ZNF248: variants seen among roughly 807,000 people sequenced by gnomAD.
The protein encoded by ZNF248 is zinc finger protein 248.
ZNF248 carries 20 observed loss-of-function variants against 44.3 expected under a neutral mutation model. That is an observed-to-expected ratio of 0.45 (90% CI 0.32 to 0.66). The LOEUF is 0.66. ZNF248 is among the 30% of genes least tolerant of loss of function. The probability of loss-of-function intolerance (pLI) is 0.04; values close to 1 mark genes in which losing one functional copy is unlikely to be tolerated. For missense variants in ZNF248, 654 were observed against 677.0 expected, an observed-to-expected ratio of 0.97 and a Z score of 0.38; for synonymous variants, 224 against 229.0, an observed-to-expected ratio of 0.98 and a Z score of 0.20.
chr10:37,768,777 A>C, the ZNF248 span, among the ~76,000 whole-genome samples: 1 of 152,246 alleles, frequency 6.6e-6, no homozygotes, highest in Non-Finnish European at 1.5e-5. Flanking sequence ...AAATCAGAGC[A>C]GAACTGAAGG....
At chr10:37,835,169 A>T (rs904592611) in intron 5 of ZNF248, among the ~76,000 whole-genome samples, 3 of 152,232 alleles carry the variant, frequency 2.0e-5, no homozygotes, top group African/African-American at 4.8e-5. Context: ...TAGAAATTAG[A>T]CAACTAACAA....
chr10:37,774,443 C>A (rs560065532), downstream of ZNF248, among the ~76,000 whole-genome samples: 2 of 152,116 alleles, frequency 1.3e-5, no homozygotes, highest in Non-Finnish European at 2.9e-5. Context: ...GTTATCTTAT[C>A]CTTTGATATG....
downstream of ZNF248, among the ~76,000 whole-genome samples, chr10:37,824,079 C>T (rs1033044936): frequency 2.0e-5 from 3 of 151,942 alleles, no homozygotes; most frequent in Non-Finnish European, 4.4e-5. Context: ...CTAGCAAGTC[C>T]CAAGATCTGC....
At chr10:37,782,534 C>T (rs530662330) in intron 6 of ZNF248, among the ~76,000 whole-genome samples, 3 of 152,102 alleles carry the variant, frequency 2.0e-5, no homozygotes, top group Non-Finnish European at 2.9e-5. Context: ...TCCTAACACA[C>T]GGTACCTGTG....
At chr10:37,787,003 GGCACTTTGGCTCATGCCTTTAATCCCA>G (rs1188984419) in intron 6 of ZNF248, among the ~76,000 whole-genome samples, 15 of 152,144 alleles carry the variant, frequency 9.9e-5, no homozygotes, top group African/African-American at 2.7e-4. Context: ...CTATAGGCCA[GGCACTTTGGCTCATGCCTTTAATCCCA>G]GCACTTTGGG....
At chr10:37,785,182 T>C (rs1467933579) in intron 6 of ZNF248, among the ~76,000 whole-genome samples, 3 of 152,128 alleles carry the variant, frequency 2.0e-5, no homozygotes, top group Admixed American at 2.0e-4. Context: ...CATAACACTG[T>C]GTGGGGTTCT....
downstream of ZNF248, among the ~76,000 whole-genome samples, chr10:37,773,854 A>G (rs1421574332): frequency 1.3e-5 from 2 of 152,162 alleles, no homozygotes; most frequent in Non-Finnish European, 2.9e-5. Context: ...TGAGGGGGTT[A>G]GGGCTTCAGA....
At position 37,838,092 on chromosome 10, in the gene ZNF248, T is replaced by A; in HGVS notation, c.35A>T (p.Asp12Val). 1.2e-6 allele frequency: 2 copies of A among 1,613,000 alleles called. No individual in the cohort carries two copies. The highest frequency in any genetic ancestry group is 2.7e-5 in the African/African-American group (2 of 74,982). ...NKSQEQVSFK[D>V]VCVDFTQEEW... ...TTCCTGAGTGAAGTCCACACATACATCCTTGAATGACACTTGTTCCTGTAA... is the reference window on the plus strand; with the variant it reads ...TTCCTGAGTGAAGTCCACACATACAACCTTGAATGACACTTGTTCCTGTAA... The change falls in exon 4 of 6, where the codon GAT (aspartate) becomes GTT (valine). Residue 12 changes from aspartate (D) to valine (V), a missense_variant. Asp to Val is a radical substitution (Grantham distance 152). Coordinates refer to ENST00000395867, the MANE Select transcript of ZNF248 (RefSeq NM_021045.3).
chr10:37,776,108 G>A (rs538151076), downstream of ZNF248, among the ~76,000 whole-genome samples: 54 of 152,284 alleles, frequency 3.5e-4, no homozygotes, highest in African/African-American at 9.6e-4. Context: ...TGGACATGGC[G>A]TGAGAGCAGC....
At chr10:37,800,095 T>A (rs1358235100) in intron 6 of ZNF248, among the ~76,000 whole-genome samples, 1 of 152,034 alleles carries the variant, frequency 6.6e-6, no homozygotes, top group Non-Finnish European at 1.5e-5. Flanking sequence ...ACACCAGACA[T>A]AGTACATTAA....
chr10:37,838,191 G>C (rs2057625358), intron 3 of ZNF248, 80 bp from the exon 4 acceptor site: 4 of 1,353,612 alleles, frequency 3.0e-6, no homozygotes, highest in Non-Finnish European at 4.0e-6. Context: ...AATCTCTTTA[G>C]AGTTTACTAA....
rs568731278 is a variant in ZNF248, at chr10:37,841,322, C to A, written c.16-3211G>T. ...GATGATCTACTGAAACTTTCTGAGG[C>A]AATGACTAAAAGTATTTATTTTAAA... On this transcript the variant is annotated intron_variant, in intron 3 of 5. Coordinates refer to ENST00000395867, the MANE Select transcript of ZNF248 (RefSeq NM_021045.3). Among the ~76,000 whole-genome samples, 15 of 152,084 alleles carry A rather than the reference C, an allele frequency of 9.9e-5. No homozygotes were observed. The South Asian group carries it at 3.1e-3, about 32-fold the overall frequency.
chr10:37,779,610 A>G (rs1326069556), intron 6 of ZNF248, among the ~76,000 whole-genome samples: 1 of 152,014 alleles, frequency 6.6e-6, no homozygotes, highest in Non-Finnish European at 1.5e-5. Flanking sequence ...GGCACAAGAC[A>G]GGGATGCCCT....
At chr10:37,790,320 C>G (rs1268331967) in intron 6 of ZNF248, among the ~76,000 whole-genome samples, 2 of 151,266 alleles carry the variant, frequency 1.3e-5, no homozygotes, top group Non-Finnish European at 2.9e-5. Flanking sequence ...GTGGCTCATG[C>G]CTGTAATCCA....
At chr10:37,824,672 A>ATTTTTTTTT (rs1564542451), downstream of ZNF248, among the ~76,000 whole-genome samples, 24 of 61,308 alleles carry the variant, frequency 3.9e-4, no homozygotes, top group African/African-American at 1.3e-3. Flanking sequence ...AATTATTTTA[A>ATTTTTTTTT]ATTTTTTTTT....
chr10:37,780,894 C>T (rs571647806), intron 6 of ZNF248, among the ~76,000 whole-genome samples: 1 of 152,122 alleles, frequency 6.6e-6, no homozygotes, highest in African/African-American at 2.4e-5. Context: ...GGTTCCGGGG[C>T]GTCTCTGCAA....
chr10:37,838,027 T>C lies in ZNF248; in HGVS notation c.100A>G (p.Arg34Gly). ...LLDPAQKILY[R>G]DVILENYSNL... ...CTATAATTTTCCAGGATCACATCTCTGTATAGAATCTTCTGAGCAGGGTCC... is the reference window on the plus strand; with the variant it reads ...CTATAATTTTCCAGGATCACATCTCCGTATAGAATCTTCTGAGCAGGGTCC... Residue 34 changes from arginine (R) to glycine (G), a missense_variant, in exon 4 of 6, where the codon AGA becomes GGA. Transcript: ENST00000395867. 6.2e-7 allele frequency: 1 copy of C among 1,613,910 alleles called. No individual in the cohort carries two copies. The highest frequency in any genetic ancestry group is 8.5e-7 in the Non-Finnish European group (1 of 1,179,872).
chr10:37,779,185 A>G (rs2046979407), intron 6 of ZNF248, among the ~76,000 whole-genome samples: 2 of 152,190 alleles, frequency 1.3e-5, no homozygotes, highest in African/African-American at 4.8e-5. Flanking sequence ...TCATTCTGAT[A>G]CCAAAGCCAG....
At chr10:37,772,495 A>G (rs1444908417), downstream of ZNF248, among the ~76,000 whole-genome samples, 1 of 152,202 alleles carries the variant, frequency 6.6e-6, no homozygotes, top group Non-Finnish European at 1.5e-5. Flanking sequence ...GGATGTTGCT[A>G]CTGTATAAGC....
Sources: allele counts gnomAD v4.1 joint callset (sites outside exome capture counted in the v4.1 genomes callset), GRCh38; gene constraint gnomAD v4.1.1; transcripts MANE v1.5; gene names NCBI Gene and HGNC (gene_info 2026-07-23, HGNC 2026-07-21).